ANKS1B: variants seen among roughly 807,000 people sequenced by gnomAD.
The protein encoded by ANKS1B is ankyrin repeat and sterile alpha motif domain-containing protein 1B.
ANKS1B carries 36 observed loss-of-function variants against 148.3 expected under a neutral mutation model. The ratio of observed to expected loss-of-function variants is 0.24; its 90% CI spans 0.19 to 0.32. ANKS1B has a LOEUF of 0.32. Among genes scored for constraint, ANKS1B ranks in the 10% least tolerant of loss-of-function variants. The probability of loss-of-function intolerance (pLI) is 1.00; values close to 1 mark genes in which losing one functional copy is unlikely to be tolerated. For missense variants in ANKS1B, 1,157 were observed against 1,542.6 expected, an observed-to-expected ratio of 0.75 and a Z score of 4.19; for synonymous variants, 542 against 560.8, an observed-to-expected ratio of 0.97 and a Z score of 0.47.
chr12:99,582,157 A>G (rs2097577156), intron 9 of ANKS1B, among the ~76,000 whole-genome samples: 2 of 152,014 alleles, frequency 1.3e-5, no homozygotes, highest in South Asian at 4.1e-4. Context: ...ATACCAGAAC[A>G]TACTCTTTAG....
In ANKS1B at chr12:99,937,877, A is replaced by T. The variant is rs541571480; in HGVS notation, c.134+46227T>A. ...GCAAAGAGAAGATACATGATAAATC[A>T]GTCATGAATCCTGCCCTCAAGTTAT... On this transcript the variant is annotated intron_variant, in intron 1 of 26. Coordinates refer to ENST00000683438, the MANE Select transcript of ANKS1B (RefSeq NM_001352186.2). 1.1e-3 allele frequency among the ~76,000 whole-genome samples: 164 copies of T among 152,298 alleles called. 1 individual carries two copies. Among genetic ancestry groups the T allele is most frequent in the South Asian group, 3.5e-3 (17 of 4,824 alleles).
At chr12:99,360,146 G>T (rs549209731) in intron 12 of ANKS1B, among the ~76,000 whole-genome samples, 2 of 152,208 alleles carry the variant, frequency 1.3e-5, no homozygotes, top group Admixed American at 6.6e-5. Flanking sequence ...ATAATTAACT[G>T]ACTGGCAGCA....
chr12:99,911,653 A>G (rs1285979022), intron 1 of ANKS1B, among the ~76,000 whole-genome samples: 6 of 152,202 alleles, frequency 3.9e-5, no homozygotes, highest in Non-Finnish European at 8.8e-5. Flanking sequence ...TTACTATAAA[A>G]ACTTTTAAAC....
In ANKS1B at chr12:99,984,831, G is replaced by A. The variant is rs2095754738; in HGVS notation, c.-594C>T. On this transcript the variant is annotated 5_prime_UTR_variant, in exon 1 of 27. Transcript: ENST00000683438. ...GGCAGGGCGGTGGGGGGCAGCCGCA[G>A]CGGGCGCGTGCCGAGGGCGGCGGCG... 5.5e-5 allele frequency among the ~76,000 whole-genome samples: 8 copies of A among 146,308 alleles called. No homozygotes were observed. Among genetic ancestry groups the A allele is most frequent in the Admixed American group, 4.8e-4 (7 of 14,728 alleles).
chr12:99,134,641 TCTCTCACACACACACA>T (rs1385541340), intron 15 of ANKS1B, among the ~76,000 whole-genome samples: 7 of 81,760 alleles, frequency 8.6e-5, no homozygotes, highest in South Asian at 9.7e-4. Context: ...TCTCTCTCTC[TCTCTCACACACACACA>T]CACACACACA....
chr12:98,824,067 A>G (rs1474739075), intron 19 of ANKS1B, among the ~76,000 whole-genome samples: 1 of 152,220 alleles, frequency 6.6e-6, no homozygotes, highest in African/African-American at 2.4e-5. Flanking sequence ...ATTTCACTTA[A>G]AGAAAAAAAA....
chr12:98,894,815 G>GCGCGGAGCTTGGCCGCGC, intron 17 of ANKS1B: 1 of 983,808 alleles, frequency 1.0e-6, no homozygotes, highest in African/African-American at 1.8e-5. Flanking sequence ...GGCGGGAGAG[G>GCGCGGAGCTTGGCCGCGC]CGCGGAGCTT....
chr12:99,287,845 T>G (rs1486689498), intron 12 of ANKS1B, among the ~76,000 whole-genome samples: 8 of 152,042 alleles, frequency 5.3e-5, no homozygotes, highest in Non-Finnish European at 8.8e-5. Context: ...GACAGGCTAT[T>G]TGAAAACACA....
intron 17 of ANKS1B, among the ~76,000 whole-genome samples, chr12:98,949,051 C>A (rs1189779742): frequency 6.8e-6 from 1 of 147,138 alleles, no homozygotes; most frequent in African/African-American, 2.5e-5. Context: ...CTCCTGGGTT[C>A]AAGGGATTCT....
chr12:99,172,008 G>A (rs1382960697), intron 14 of ANKS1B, among the ~76,000 whole-genome samples: 1 of 152,086 alleles, frequency 6.6e-6, no homozygotes, highest in East Asian at 1.9e-4. Flanking sequence ...GGAAGGGGAG[G>A]ATGCTTAACT....
chr12:99,840,801 C>A (rs996005971), intron 1 of ANKS1B, among the ~76,000 whole-genome samples: 4 of 151,910 alleles, frequency 2.6e-5, no homozygotes, highest in African/African-American at 9.7e-5. Flanking sequence ...TCCATTTTTT[C>A]TCCTTACACA....
intron 9 of ANKS1B, among the ~76,000 whole-genome samples, chr12:99,616,520 GA>G (rs2097963245): frequency 6.6e-6 from 1 of 152,002 alleles, no homozygotes; most frequent in African/African-American, 2.4e-5. Flanking sequence ...CAACAAGCCT[GA>G]AAAAAACAAG....
At chr12:99,489,655 G>A (rs116095724) in intron 10 of ANKS1B, among the ~76,000 whole-genome samples, 156 of 152,306 alleles carry the variant, frequency 1.0e-3, no homozygotes, top group African/African-American at 3.4e-3. Context: ...GTATGCTTCA[G>A]TTGAAATGAT....
At chr12:99,886,503 A>G (rs1393925527) in intron 1 of ANKS1B, among the ~76,000 whole-genome samples, 1 of 152,080 alleles carries the variant, frequency 6.6e-6, no homozygotes, top group Non-Finnish European at 1.5e-5. Flanking sequence ...ATGTATCTTA[A>G]TGTTTTTATC....
chr12:99,498,639 C>T (rs1477900820), intron 10 of ANKS1B, among the ~76,000 whole-genome samples: 1 of 152,048 alleles, frequency 6.6e-6, no homozygotes, highest in Non-Finnish European at 1.5e-5. Flanking sequence ...ACACTTATAC[C>T]TTTTGCTCTG....
intron 10 of ANKS1B, among the ~76,000 whole-genome samples, chr12:99,463,665 C>T (rs569454324): frequency 1.1e-4 from 17 of 152,314 alleles, no homozygotes; most frequent in East Asian, 5.8e-4. Context: ...GAGGGTCCTA[C>T]GCCCACGGAG....
intron 10 of ANKS1B, among the ~76,000 whole-genome samples, chr12:99,476,270 G>A (rs2096319132): frequency 1.3e-5 from 2 of 152,108 alleles, no homozygotes; most frequent in Non-Finnish European, 2.9e-5. Flanking sequence ...GCACACGCTT[G>A]TAATCCCAGC....
At chr12:99,425,435 T>C (rs1305865202) in intron 11 of ANKS1B, among the ~76,000 whole-genome samples, 1 of 151,960 alleles carries the variant, frequency 6.6e-6, no homozygotes. Context: ...GGCATTTCAT[T>C]GGTACAGACA....
At chr12:99,382,071 G>A (rs1002357701) in intron 12 of ANKS1B, among the ~76,000 whole-genome samples, 55 of 152,150 alleles carry the variant, frequency 3.6e-4, no homozygotes, top group African/African-American at 1.3e-3. Flanking sequence ...GTTTTGAAAT[G>A]CAAAACATCT....
Sources: gnomAD v4.1 joint callset for allele counts (sites outside exome capture counted in the v4.1 genomes callset) on GRCh38, gnomAD v4.1.1 for gene constraint, MANE v1.5 for transcripts, NCBI Gene and HGNC (gene_info 2026-07-23, HGNC 2026-07-21) for gene names.